CFAP47: variants seen among roughly 807,000 people sequenced by gnomAD.
CFAP47 encodes cilia and flagella associated protein 47, also known as cilia- and flagella-associated protein 47.
A neutral mutation model predicts 148.1 loss-of-function variants in CFAP47; 29 were observed. The observed-to-expected ratio is 0.20, with a 90% CI of 0.15 to 0.27. The LOEUF (loss-of-function observed/expected upper bound fraction) is 0.27, where lower values mean the gene tolerates loss of function less well. Among genes scored for constraint, CFAP47 ranks in the 10% least tolerant of loss-of-function variants. The pLI, the probability that CFAP47 is intolerant of heterozygous loss-of-function variation, is 1.00. For missense variants in CFAP47, 1,872 were observed against 1,697.5 expected, an observed-to-expected ratio of 1.10 and a Z score of -1.81; for synonymous variants, 664 against 577.3, an observed-to-expected ratio of 1.15 and a Z score of -2.15.
intron 39 of CFAP47, among the ~76,000 whole-genome samples, chrX:36,164,840 G>T (rs1244441238): frequency 9.0e-6 from 1 of 111,214 alleles, no homozygotes; most frequent in East Asian, 2.8e-4. Context: ...CTTACATTTT[G>T]AAGTGCATGA....
At chrX:36,058,138 AAC>A (rs1161933411) in intron 26 of CFAP47, among the ~76,000 whole-genome samples, 1 of 111,953 alleles carries the variant, frequency 8.9e-6, no homozygotes, top group African/African-American at 3.2e-5. Flanking sequence ...GCTACATTCA[AAC>A]TGAAGAGCTG....
At chrX:36,248,496 TCACA>T (rs60595897) in intron 48 of CFAP47, among the ~76,000 whole-genome samples, 22 of 95,443 alleles carry the variant, frequency 2.3e-4, no homozygotes, top group East Asian at 2.2e-3. Context: ...ACATATTATA[TCACA>T]CACACACACA....
At chrX:36,209,240 A>T (rs2146887774) in intron 45 of CFAP47, among the ~76,000 whole-genome samples, 1 of 112,054 alleles carries the variant, frequency 8.9e-6, no homozygotes, top group South Asian at 3.7e-4. Flanking sequence ...TCAAAATAAC[A>T]AGGGTTAAGC....
intron 59 of CFAP47, 67 bp downstream of exon 59, chrX:36,350,199 C>CT (rs1941732033): frequency 9.4e-6 from 7 of 746,107 alleles, no homozygotes; most frequent in Non-Finnish European, 1.4e-5. Flanking sequence ...CTATTCCCAT[C>CT]TTTTTTGTTT....
intron 45 of CFAP47, among the ~76,000 whole-genome samples, chrX:36,216,180 C>T (rs781964180): frequency 9.8e-5 from 11 of 112,374 alleles, no homozygotes; most frequent in African/African-American, 2.9e-4. Flanking sequence ...TCAGGGTCTG[C>T]GGGCAGAGCC....
At chrX:36,064,350 G>T (rs1186226008) in intron 26 of CFAP47, among the ~76,000 whole-genome samples, 2 of 111,817 alleles carry the variant, frequency 1.8e-5, no homozygotes, top group Admixed American at 1.9e-4. Flanking sequence ...CCATAGCAAA[G>T]AAAGATAAGG....
At chrX:36,275,157 G>C (rs1200428933) in intron 49 of CFAP47, among the ~76,000 whole-genome samples, 1 of 110,241 alleles carries the variant, frequency 9.1e-6, no homozygotes, top group Non-Finnish European at 1.9e-5. Context: ...CACCATCCTG[G>C]CTCACTGCAA....
chrX:36,313,810 A>C (rs1301941397), intron 56 of CFAP47, among the ~76,000 whole-genome samples: 2 of 110,999 alleles, frequency 1.8e-5, no homozygotes. Flanking sequence ...CAAATCCTGG[A>C]ATGATTTCTT....
At chrX:36,246,749 C>T (rs782422555) in intron 48 of CFAP47, among the ~76,000 whole-genome samples, 20 of 111,176 alleles carry the variant, frequency 1.8e-4, no homozygotes, top group Non-Finnish European at 3.6e-4. Flanking sequence ...CTAGTCAGAA[C>T]GGCTGTTATT....
intron 8 of CFAP47, among the ~76,000 whole-genome samples, chrX:35,961,469 T>A (rs1404771162): frequency 9.0e-6 from 1 of 111,422 alleles, no homozygotes; most frequent in East Asian, 2.8e-4. Flanking sequence ...GTCAGAAAGT[T>A]TTTGGCTATT....
At chrX:36,204,166 G>C (rs1555988495) in intron 44 of CFAP47, among the ~76,000 whole-genome samples, 1 of 110,755 alleles carries the variant, frequency 9.0e-6, no homozygotes, top group African/African-American at 3.3e-5. Flanking sequence ...TGTCAGATGA[G>C]TAGGTTGCAA....
intron 26 of CFAP47, among the ~76,000 whole-genome samples, chrX:36,048,779 T>C (rs1217713356): frequency 8.9e-6 from 1 of 111,991 alleles, no homozygotes; most frequent in Non-Finnish European, 1.9e-5. Context: ...CAATTACTTT[T>C]GCATCAACCT....
intron 8 of CFAP47, among the ~76,000 whole-genome samples, chrX:35,960,409 G>GAAT (rs1936313788): frequency 4.3e-5 from 3 of 69,694 alleles, no homozygotes; most frequent in African/African-American, 2.8e-4. Context: ...AAAAAAAAAG[G>GAAT]ACAGCTGGAA....
chrX:36,361,221 C>T, intron 60 of CFAP47, 109 bp from the exon 61 acceptor site: 2 of 401,367 alleles, frequency 5.0e-6, no homozygotes, highest in Admixed American at 9.5e-5. Flanking sequence ...AATATATACC[C>T]CCTCCCTTTC....
At chrX:36,366,329 A>G (rs933940420) in intron 61 of CFAP47, among the ~76,000 whole-genome samples, 3 of 111,702 alleles carry the variant, frequency 2.7e-5, no homozygotes, top group Admixed American at 1.9e-4. Context: ...ACTCTTTGTC[A>G]TAGTCAAATG....
intron 57 of CFAP47, among the ~76,000 whole-genome samples, chrX:36,321,999 G>T (rs1941482652): frequency 9.0e-6 from 1 of 110,744 alleles, no homozygotes; most frequent in Non-Finnish European, 1.9e-5. Flanking sequence ...AGGTAGGTAG[G>T]CAACTTTTAC....
chrX:36,354,250 G>A (rs1397181378), intron 60 of CFAP47, among the ~76,000 whole-genome samples: 4 of 110,783 alleles, frequency 3.6e-5, no homozygotes, highest in Non-Finnish European at 5.7e-5. Context: ...GGGAGGTCAA[G>A]GCGGGAGGAT....
At chrX:36,344,708 A>AT (rs1386964803) in intron 57 of CFAP47, among the ~76,000 whole-genome samples, 1 of 111,334 alleles carries the variant, frequency 9.0e-6, no homozygotes, top group South Asian at 3.7e-4. Flanking sequence ...GTGGTCATAT[A>AT]TTTTTTTTAG....
chrX:36,095,292 A>G (rs1047073988), intron 30 of CFAP47, among the ~76,000 whole-genome samples: 2 of 111,430 alleles, frequency 1.8e-5, no homozygotes, highest in Non-Finnish European at 3.8e-5. Context: ...TGGTTTGCTA[A>G]TATTTTGTTA....
Sources: allele counts gnomAD v4.1 joint callset (sites outside exome capture counted in the v4.1 genomes callset), GRCh38; gene constraint gnomAD v4.1.1; transcripts MANE v1.5; gene names NCBI Gene and HGNC (gene_info 2026-07-23, HGNC 2026-07-21).